Variants in PTPN3 observed in about 807,000 individuals in gnomAD.
PTPN3 encodes the protein tyrosine-protein phosphatase non-receptor type 3.
In PTPN3, 96 loss-of-function variants were observed where a neutral mutation model predicts 132.7. That is an observed-to-expected ratio of 0.72 (90% CI 0.61 to 0.86). PTPN3 has a LOEUF of 0.86. Among genes scored for constraint, PTPN3 ranks in the 40% least tolerant of loss-of-function variants. PTPN3 has a pLI of 0.00. For missense variants in PTPN3, 1,125 were observed against 1,159.6 expected (o/e 0.97, Z 0.43); for synonymous variants, 398 against 429.0 (o/e 0.93, Z 0.89).
chr9:109,534,304 G>T, the PTPN3 span: 1 of 1,529,626 alleles, frequency 6.5e-7, no homozygotes. Flanking sequence ...AGCGGCGGGC[G>T]GCTGCTGGGT....
intron 16 of PTPN3, among the ~76,000 whole-genome samples, chr9:109,408,772 T>C (rs1841781340): frequency 1.1e-5 from 1 of 90,508 alleles, no homozygotes; most frequent in Admixed American, 1.3e-4. Flanking sequence ...CCCTAGAACT[T>C]ATAATAATTA....
chr9:109,483,414 C>G (rs563465433), intron 1 of PTPN3, among the ~76,000 whole-genome samples: 1 of 152,112 alleles, frequency 6.6e-6, no homozygotes, highest in Admixed American at 6.5e-5. Flanking sequence ...AGCTGTGAGG[C>G]AGGTGCTGGG....
In PTPN3 at chr9:109,422,745, G is replaced by T; in HGVS notation, c.1109C>A (p.Ser370Tyr). The T allele has an allele frequency of 6.2e-7, 1 of 1,611,212 alleles. No individual in the cohort carries two copies. Among genetic ancestry groups the T allele is most frequent in the Non-Finnish European group, 8.5e-7 (1 of 1,178,030 alleles). Residue 370 changes from serine (S) to tyrosine (Y), a missense_variant, in exon 13 of 26, where the codon TCT becomes TAT. Ser to Tyr is a moderately radical substitution (Grantham distance 144). Coordinates refer to ENST00000374541, the MANE Select transcript of PTPN3 (RefSeq NM_002829.4). ...GTTGGGAGTAATGGGAGGGGAACGA[G>T]AAGGCAGACTCTTGGTTTCTAAGTG... Reference protein sequence around the residue: ...VEHLETKSLPSRSPPITPNWR... With the variant: ...VEHLETKSLPYRSPPITPNWR...
At chr9:109,532,441 G>A in the PTPN3 span, among the ~76,000 whole-genome samples, 2 of 152,014 alleles carry the variant, frequency 1.3e-5, no homozygotes, top group Non-Finnish European at 2.9e-5. Context: ...ATTAACAGGT[G>A]CTTGCAGTTT....
chr9:109,534,426 C>T, the PTPN3 span: 4 of 1,387,088 alleles, frequency 2.9e-6, no homozygotes, highest in South Asian at 1.5e-5. Context: ...TGGGGCTGCT[C>T]AGGGCTCTCT....
intron 9 of PTPN3, 42 bp downstream of exon 9, chr9:109,436,840 TA>T: frequency 1.3e-6 from 2 of 1,573,606 alleles, no homozygotes; most frequent in Non-Finnish European, 1.7e-6. Flanking sequence ...GAGATTAAAA[TA>T]AAAACATAAT....
the PTPN3 span, among the ~76,000 whole-genome samples, chr9:109,514,808 T>C: frequency 6.6e-6 from 1 of 152,130 alleles, no homozygotes; most frequent in Non-Finnish European, 1.5e-5. Flanking sequence ...AATGGGATGT[T>C]AGATGTGAGG....
intron 1 of PTPN3, among the ~76,000 whole-genome samples, chr9:109,487,212 G>A (rs960005200): frequency 2.6e-5 from 4 of 152,222 alleles, no homozygotes; most frequent in South Asian, 4.1e-4. Context: ...AAGGTAGGAG[G>A]GGAGAGGAGC....
rs757575279 is a variant in PTPN3 at position 109,382,355 on chromosome 9, T to C, written c.2475A>G (p.Val825=). ...PDDSSDFLEF[V]NYVRSLRVDS... is the part of the protein sequence containing the mutation. Reference sequence around the variant, plus strand: ...CCACTCTCAGAGACCTCACATAGTTTACAAATTCCAGAAAGTCGGAGGAGT... The same window carrying C: ...CCACTCTCAGAGACCTCACATAGTTCACAAATTCCAGAAAGTCGGAGGAGT... The change falls in exon 24 of 26, where the codon GTA becomes GTG. Residue 825 remains valine, a synonymous_variant. Coordinates refer to ENST00000374541, the MANE Select transcript of PTPN3 (RefSeq NM_002829.4). 36 of 1,613,988 alleles carry C rather than the reference T, an allele frequency of 2.2e-5. No individual in the cohort carries two copies. The highest frequency in any genetic ancestry group is 2.1e-4 in the South Asian group (19 of 91,062).
At chr9:109,464,485 G>A (rs1846000697) in intron 1 of PTPN3, among the ~76,000 whole-genome samples, 1 of 152,054 alleles carries the variant, frequency 6.6e-6, no homozygotes, top group South Asian at 2.1e-4. Flanking sequence ...AAAATAATCT[G>A]TACACCAAAT....
At chr9:109,472,512 A>G (rs1846432193) in intron 1 of PTPN3, among the ~76,000 whole-genome samples, 1 of 152,244 alleles carries the variant, frequency 6.6e-6, no homozygotes, top group Non-Finnish European at 1.5e-5. Context: ...AAAATTAGTC[A>G]TTTCAGTTTT....
At chr9:109,483,362 A>G (rs1471855674) in intron 1 of PTPN3, among the ~76,000 whole-genome samples, 2 of 152,140 alleles carry the variant, frequency 1.3e-5, no homozygotes, top group African/African-American at 4.8e-5. Context: ...GGCTTTACTC[A>G]TTCTTCCTTC....
chr9:109,526,740 G>T, the PTPN3 span, among the ~76,000 whole-genome samples: 1 of 152,154 alleles, frequency 6.6e-6, no homozygotes, highest in Non-Finnish European at 1.5e-5. Context: ...AATAGAAGAA[G>T]ATGAACAGAG....
intron 24 of PTPN3, 135 bp from the exon 25 acceptor site, chr9:109,381,922 C>G: frequency 9.4e-7 from 1 of 1,060,294 alleles, no homozygotes; most frequent in South Asian, 1.5e-5. Flanking sequence ...ACACTCACGG[C>G]GTGCTCTCAA....
At chr9:109,385,846 C>T (rs1189619668) in intron 22 of PTPN3, among the ~76,000 whole-genome samples, 1 of 152,262 alleles carries the variant, frequency 6.6e-6, no homozygotes, top group South Asian at 2.1e-4. Context: ...ATTCACAAGC[C>T]TGAGTGGGGC....
At chr9:109,538,139 T>C in the PTPN3 span, among the ~76,000 whole-genome samples, 4 of 152,366 alleles carry the variant, frequency 2.6e-5, no homozygotes, top group South Asian at 4.1e-4. Context: ...TTTTCCTCCC[T>C]TAATGTTGGC....
the PTPN3 span, among the ~76,000 whole-genome samples, chr9:109,524,835 T>C: frequency 6.6e-6 from 1 of 152,208 alleles, no homozygotes; most frequent in Non-Finnish European, 1.5e-5. Flanking sequence ...CCTCCCTGAT[T>C]CAAGTGATCC....
Position 109,391,133 on chromosome 9 carries a change from C to T in PTPN3, c.2106+5G>A, listed in dbSNP as rs1290468963. ...TCTTAAGCATCATCCAGATTCCTAA[C>T]TTACGTTCACGTAACTTGCATTAAT... On this transcript the variant is annotated splice_donor_5th_base_variant and intron_variant, in intron 21 of 25. Coordinates refer to ENST00000374541, the MANE Select transcript of PTPN3 (RefSeq NM_002829.4). 2 of 1,611,356 alleles carry T rather than the reference C, an allele frequency of 1.2e-6. No individual in the cohort carries two copies. The highest frequency in any genetic ancestry group is 2.2e-5 in the South Asian group (2 of 90,868).
At chr9:109,422,693 A>C (rs1842964762) in intron 13 of PTPN3, 25 bp downstream of exon 13, 3 of 208,088 alleles carry the variant, frequency 1.4e-5, no homozygotes, top group Non-Finnish European at 2.3e-5. Context: ...TGGGTAGTAC[A>C]AAAAAAAAAA....
Sources: allele counts gnomAD v4.1 joint callset (sites outside exome capture counted in the v4.1 genomes callset), GRCh38; gene constraint gnomAD v4.1.1; transcripts MANE v1.5; gene names NCBI Gene and HGNC (gene_info 2026-07-23, HGNC 2026-07-21).